The following PCDHA9 variants were observed in gnomAD, a reference collection of about 807,000 sequenced individuals.
The protein encoded by PCDHA9 is protocadherin alpha 9.
Under a neutral mutation model 62.0 loss-of-function variants are expected in PCDHA9, and 62 were observed. That is an observed-to-expected ratio of 1.00 (90% confidence interval 0.81 to 1.23). PCDHA9 has a LOEUF of 1.23. Ranked by LOEUF, PCDHA9 falls within the 50% of genes most tolerant of loss-of-function variation. The probability of loss-of-function intolerance (pLI) is 0.00; values close to 1 mark genes in which losing one functional copy is unlikely to be tolerated. For synonymous variants in PCDHA9, 557 were observed against 567.6 expected (o/e 0.98, Z 0.27); for missense variants, 1,205 against 1,249.8 (o/e 0.96, Z 0.54).
chr5:140,857,944 G>C, intron 1 of PCDHA9: 1 of 1,597,474 alleles, frequency 6.3e-7, no homozygotes, highest in South Asian at 1.1e-5. Flanking sequence ...AGATCAGTAC[G>C]ACGCGCGCTC....
chr5:140,945,048 A>G (rs2093731802), intron 1 of PCDHA9, among the ~76,000 whole-genome samples: 1 of 152,182 alleles, frequency 6.6e-6, no homozygotes, highest in South Asian at 2.1e-4. Context: ...GGTCTTATAT[A>G]AAGAAAACCC....
intron 1 of PCDHA9, among the ~76,000 whole-genome samples, chr5:140,959,312 C>G (rs2095480226): frequency 6.6e-6 from 1 of 151,968 alleles, no homozygotes; most frequent in South Asian, 2.1e-4. Flanking sequence ...GTGGTTGAAG[C>G]TGCAATAAGT....
intron 1 of PCDHA9, chr5:140,884,248 G>A: frequency 1.2e-6 from 2 of 1,613,458 alleles, no homozygotes; most frequent in Non-Finnish European, 1.7e-6. Flanking sequence ...CCGCGCTGAC[G>A]GCCACGGCAA....
rs372392810 is a variant in PCDHA9, at chr5:140,953,521, C to T, written c.2395-25428C>T. On this transcript the variant is annotated intron_variant, in intron 1 of 3. Coordinates refer to ENST00000532602, the MANE Select transcript of PCDHA9 (RefSeq NM_031857.2). Reference sequence around the variant, plus strand: ...AGCTATTAGGCCAAAGCAACAAAAACGGGAAACTCACTTCATGCTGATTCT... The same window carrying T: ...AGCTATTAGGCCAAAGCAACAAAAATGGGAAACTCACTTCATGCTGATTCT... 2.0e-5 allele frequency among the ~76,000 whole-genome samples: 3 copies of T among 152,230 alleles called. No individual in the cohort carries two copies. In the East Asian group the frequency reaches 5.8e-4, roughly 29 times the overall value.
intron 3 of PCDHA9, among the ~76,000 whole-genome samples, chr5:140,987,644 T>G (rs1461630900): frequency 6.6e-6 from 1 of 152,220 alleles, no homozygotes; most frequent in Non-Finnish European, 1.5e-5. Context: ...TGCACACATA[T>G]TGCAGAATCT....
chr5:140,938,406 T>A (rs1283027205), intron 1 of PCDHA9, among the ~76,000 whole-genome samples: 1 of 152,240 alleles, frequency 6.6e-6, no homozygotes, highest in African/African-American at 2.4e-5. Context: ...ATTGTTTGAT[T>A]GGGTTTATTT....
intron 3 of PCDHA9, among the ~76,000 whole-genome samples, chr5:140,987,213 CAA>C (rs58319157): frequency 9.3e-5 from 11 of 118,826 alleles, no homozygotes; most frequent in African/African-American, 1.6e-4. Flanking sequence ...GACTCCATCT[CAA>C]AAAAAAAAAA....
intron 2 of PCDHA9, among the ~76,000 whole-genome samples, chr5:140,979,796 T>A (rs1322390860): frequency 3.3e-5 from 5 of 152,236 alleles, no homozygotes; most frequent in Non-Finnish European, 7.3e-5. Flanking sequence ...AAACAAATGA[T>A]CACAACTATC....
chr5:140,871,328 G>T (rs374687707), intron 1 of PCDHA9: 4 of 1,614,128 alleles, frequency 2.5e-6, no homozygotes, highest in African/African-American at 1.3e-5. Context: ...GTGTGCTCCC[G>T]CGCGGTGGGG....
chr5:140,888,945 T>G (rs2062037344), intron 1 of PCDHA9, among the ~76,000 whole-genome samples: 1 of 152,102 alleles, frequency 6.6e-6, no homozygotes, highest in African/African-American at 2.4e-5. Context: ...GAGGTATAAA[T>G]TTTTTCTTTG....
rs2041909016 is a variant in PCDHA9, at chr5:140,850,973, A to G, written c.2394+84A>G. 2.1e-6 allele frequency: 3 copies of G among 1,455,694 alleles called. No individual in the cohort carries two copies. In the South Asian group the frequency reaches 4.4e-5, roughly 21 times the overall value. 90.2% of individuals were successfully genotyped at this position (1,455,694 alleles called of 1,614,324 possible). A position where few individuals can be genotyped will look rare whatever the true frequency, so the allele number is the denominator to read the frequency against. ...GATTACTCCCAGGGGCCGTTCAAATAGTTTTATTCATTTTTCTAGAAATCC... is the reference window on the plus strand; with the variant it reads ...GATTACTCCCAGGGGCCGTTCAAATGGTTTTATTCATTTTTCTAGAAATCC... On this transcript the variant is annotated intron_variant, in intron 1 of 3. Transcript: ENST00000532602.
At chr5:140,927,808 T>C (rs782535814) in intron 1 of PCDHA9, 116 of 1,614,090 alleles carry the variant, frequency 7.2e-5, no homozygotes, top group Non-Finnish European at 9.6e-5. Context: ...TGAAACGCTC[T>C]TGGAGGCATA....
intron 1 of PCDHA9, among the ~76,000 whole-genome samples, chr5:140,916,482 G>C (rs2077584456): frequency 6.6e-6 from 1 of 152,194 alleles, no homozygotes; most frequent in African/African-American, 2.4e-5. Context: ...GTGCCCAAGG[G>C]CTCTTTAGTC....
intron 1 of PCDHA9, chr5:140,969,516 A>G: frequency 1.4e-6 from 2 of 1,410,726 alleles, no homozygotes; most frequent in Non-Finnish European, 1.9e-6. Flanking sequence ...GCACTAAAGA[A>G]TTGTTTTATT....
intron 1 of PCDHA9, chr5:140,928,635 A>T (rs148091714): frequency 1.6e-4 from 258 of 1,614,104 alleles, no homozygotes; most frequent in Non-Finnish European, 2.1e-4. Flanking sequence ...ACTTGGTCAC[A>T]AAAGTGGTAG....
At chr5:140,930,306 CAT>C (rs1554207728) in intron 1 of PCDHA9, 1 of 152,052 alleles carries the variant, frequency 6.6e-6, no homozygotes, top group East Asian at 1.9e-4. Context: ...AAGTAAATAT[CAT>C]ATTTGAGAGT....
At chr5:140,958,744 A>G (rs1421311606) in intron 1 of PCDHA9, among the ~76,000 whole-genome samples, 1 of 152,156 alleles carries the variant, frequency 6.6e-6, no homozygotes, top group Non-Finnish European at 1.5e-5. Context: ...AAAGAGAGAA[A>G]GGAGATTTTT....
intron 1 of PCDHA9, among the ~76,000 whole-genome samples, chr5:140,893,588 A>G (rs2064072698): frequency 6.6e-6 from 1 of 152,212 alleles, no homozygotes; most frequent in South Asian, 2.1e-4. Flanking sequence ...TTGTTTGGGA[A>G]ATACTTTATT....
intron 1 of PCDHA9, among the ~76,000 whole-genome samples, chr5:140,961,132 T>G (rs1186627628): frequency 6.6e-6 from 1 of 152,238 alleles, no homozygotes; most frequent in Admixed American, 6.5e-5. Context: ...GTCTTGGCAC[T>G]TAAGAGTTGG....
Sources: gnomAD v4.1 joint callset for allele counts (sites outside exome capture counted in the v4.1 genomes callset) on GRCh38, gnomAD v4.1.1 for gene constraint, MANE v1.5 for transcripts, NCBI Gene and HGNC (gene_info 2026-07-23, HGNC 2026-07-21) for gene names.